Variants in SFXN1 observed in about 807,000 individuals in gnomAD.
SFXN1 encodes the protein sideroflexin 1.
A neutral mutation model predicts 39.5 loss-of-function variants in SFXN1; 32 were observed. That is an observed-to-expected ratio of 0.81 (90% CI 0.61 to 1.09). The LOEUF is 1.09. SFXN1 is among the 50% of genes least tolerant of loss of function. The pLI, the probability that SFXN1 is intolerant of heterozygous loss-of-function variation, is 0.00. For missense variants in SFXN1, 402 were observed against 407.1 expected (o/e 0.99, Z 0.11); for synonymous variants, 136 against 146.5 (o/e 0.93, Z 0.52).
At position 175,527,884 on chromosome 5, in the gene SFXN1, A is replaced by G. The variant is rs1256472505; in HGVS notation, c.*1150A>G. ...GGCCCTCTGTATCCGTGAGCTCTAT[A>G]TCTGTGAATTCAACCAAGTTTGGAT... On this transcript the variant is annotated 3_prime_UTR_variant, in exon 11 of 11. Coordinates refer to ENST00000321442, the MANE Select transcript of SFXN1 (RefSeq NM_022754.7). The G allele has an allele frequency of 6.7e-6, 1 of 149,572 alleles. No individual in the cohort carries two copies. Among genetic ancestry groups the G allele is most frequent in the Non-Finnish European group, 1.5e-5 (1 of 67,394 alleles). 9.3% of individuals were successfully genotyped at this position (149,572 alleles called of 1,614,324 possible). A position where few individuals can be genotyped will look rare whatever the true frequency, so the allele number is the denominator to read the frequency against.
In SFXN1 at chr5:175,522,439, C is replaced by T. The variant is rs758469022; in HGVS notation, c.872+17C>T. The T allele has an allele frequency of 1.1e-5, 17 of 1,609,784 alleles. No individual in the cohort carries two copies. Among genetic ancestry groups the T allele is most frequent in the South Asian group, 5.5e-5 (5 of 90,584 alleles). On this transcript the variant is annotated intron_variant, in intron 10 of 10. Transcript: ENST00000321442. ...TCAGAAAAGGTATGTATTTGTTATT[C>T]GTCAGAATCATCATGAGTATTAATC... is the stretch of plus-strand genomic sequence containing the variant.
intron 1 of SFXN1, among the ~76,000 whole-genome samples, chr5:175,481,809 A>G (rs1759263125): frequency 6.6e-6 from 1 of 152,214 alleles, no homozygotes; most frequent in Non-Finnish European, 1.5e-5. Context: ...GAATGAATCT[A>G]ATGCTTTGCA....
At chr5:175,492,385 G>C in intron 2 of SFXN1, 118 bp downstream of exon 2, 1 of 817,258 alleles carries the variant, frequency 1.2e-6, no homozygotes, top group Non-Finnish European at 1.7e-6. Flanking sequence ...GAATTCTTTT[G>C]ACCAAAAAAA....
At chr5:175,510,305 T>G in intron 4 of SFXN1, 98 bp downstream of exon 4, 1 of 949,284 alleles carries the variant, frequency 1.1e-6, no homozygotes, top group Non-Finnish European at 1.6e-6. Context: ...GTGTGCATAT[T>G]TTTATATTGT....
intron 2 of SFXN1, among the ~76,000 whole-genome samples, chr5:175,493,313 G>T (rs927888017): frequency 6.6e-6 from 1 of 151,958 alleles, no homozygotes; most frequent in Non-Finnish European, 1.5e-5. Flanking sequence ...CACAGGCCAC[G>T]AACAGTAGTT....
At chr5:175,492,062 C>T in intron 1 of SFXN1, 33 bp from the exon 2 acceptor site, 2 of 1,568,712 alleles carry the variant, frequency 1.3e-6, no homozygotes, top group East Asian at 4.6e-5. Context: ...CATTGTAAGC[C>T]TTACACGAAC....
Position 175,512,124 on chromosome 5 carries a change from T to G in SFXN1, c.524T>G (p.Leu175Arg), listed in dbSNP as rs1470885767. 9 of 1,614,064 alleles carry G rather than the reference T, an allele frequency of 5.6e-6. No individual in the cohort carries two copies. The highest frequency in any genetic ancestry group is 7.6e-6 in the Non-Finnish European group (9 of 1,180,034). Reference protein sequence around the residue: ...LNALTKHVSPLIGRFVPFAAV... With the variant: ...LNALTKHVSPRIGRFVPFAAV... ...TCTCCTCTGCAGCATGTCTCACCAC[T>G]GATAGGACGTTTTGTTCCCTTTGCT... Residue 175 changes from leucine (L) to arginine (R), a missense_variant, in exon 6 of 11, where the codon CTG becomes CGG. Transcript: ENST00000321442.
chr5:175,506,689 C>T (rs1760314805), intron 2 of SFXN1, among the ~76,000 whole-genome samples: 1 of 151,474 alleles, frequency 6.6e-6, no homozygotes, highest in Non-Finnish European at 1.5e-5. Flanking sequence ...TTTTTTGAGA[C>T]AGAGTCTCAC....
chr5:175,501,310 C>T (rs1219577849), intron 2 of SFXN1, among the ~76,000 whole-genome samples: 4 of 152,082 alleles, frequency 2.6e-5, no homozygotes, highest in East Asian at 3.9e-4. Flanking sequence ...CCTCGTTATC[C>T]GCCCGCCTCG....
chr5:175,513,710 GT>G, intron 7 of SFXN1, 120 bp downstream of exon 7: 1 of 1,080,102 alleles, frequency 9.3e-7, no homozygotes, highest in Non-Finnish European at 1.3e-6. Context: ...TCCACTGGGG[GT>G]GGCAGAAAAT....
chr5:175,504,715 C>T (rs760235844), intron 2 of SFXN1, among the ~76,000 whole-genome samples: 102 of 152,180 alleles, frequency 6.7e-4, no homozygotes, highest in Non-Finnish European at 9.6e-4. Context: ...TTTTTATTCA[C>T]TTCATAAGAA....
Position 175,512,213 on chromosome 5 carries a change from C to T in SFXN1, c.596+17C>T. On this transcript the variant is annotated intron_variant, in intron 6 of 10. Transcript: ENST00000321442. ...GAGGCAAAGGTAAGACGAATATGCACTCTTAGTAGGGACATGTGCTTGACA... is the reference window on the plus strand; with the variant it reads ...GAGGCAAAGGTAAGACGAATATGCATTCTTAGTAGGGACATGTGCTTGACA... 1.2e-6 allele frequency: 2 copies of T among 1,604,326 alleles called. No individual in the cohort carries two copies. The highest frequency in any genetic ancestry group is 1.7e-6 in the Non-Finnish European group (2 of 1,171,728).
intron 6 of SFXN1, 36 bp downstream of exon 6, chr5:175,512,232 C>T: frequency 2.6e-6 from 4 of 1,561,278 alleles, no homozygotes; most frequent in Non-Finnish European, 3.5e-6. Context: ...GGGACATGTG[C>T]TTGACAGGAG....
chr5:175,518,775 T>C (rs768743296), intron 8 of SFXN1, among the ~76,000 whole-genome samples: 1 of 152,186 alleles, frequency 6.6e-6, no homozygotes, highest in Non-Finnish European at 1.5e-5. Context: ...TCATAGAATC[T>C]AATGTAAAAG....
At chr5:175,521,828 TGTG>T (rs1247985206) in intron 8 of SFXN1, 88 bp from the exon 9 acceptor site, 4 of 990,994 alleles carry the variant, frequency 4.0e-6, no homozygotes, top group East Asian at 5.0e-5. Flanking sequence ...AATCTTGAAA[TGTG>T]GTGAGAGGTT....
chr5:175,507,218 C>T (rs1319980681), intron 2 of SFXN1, among the ~76,000 whole-genome samples: 1 of 152,014 alleles, frequency 6.6e-6, no homozygotes, highest in African/African-American at 2.4e-5. Context: ...CCTATAAGGA[C>T]ACCATTCATT....
At chr5:175,490,457 C>G in intron 1 of SFXN1, among the ~76,000 whole-genome samples, 1 of 152,150 alleles carries the variant, frequency 6.6e-6, no homozygotes. Context: ...GATATGTGTT[C>G]ATTGGAGATT....
intron 2 of SFXN1, among the ~76,000 whole-genome samples, chr5:175,507,521 G>A (rs1390876390): frequency 6.6e-6 from 1 of 152,202 alleles, no homozygotes; most frequent in African/African-American, 2.4e-5. Context: ...GAAAATACAT[G>A]CATGAAAACA....
In SFXN1 at chr5:175,492,204, C is replaced by T. The variant is rs1759683665; in HGVS notation, c.101C>T (p.Pro34Leu). 6.2e-7 allele frequency: 1 copy of T among 1,613,836 alleles called. No homozygotes were observed. Among genetic ancestry groups the T allele is most frequent in the African/African-American group, 1.3e-5 (1 of 74,878 alleles). Reference sequence around the variant, plus strand: ...AATCATTTCTTCACTGTAACTGACCCCAGGAACATTCTGTTAACCAACGAA... The same window carrying T: ...AATCATTTCTTCACTGTAACTGACCTCAGGAACATTCTGTTAACCAACGAA... The part of the protein sequence containing the change: ...RANHFFTVTD[P>L]RNILLTNEQL... Residue 34 changes from proline (P) to leucine (L), a missense_variant, in exon 2 of 11, where the codon CCC becomes CTC. Pro to Leu is a moderately conservative substitution (Grantham distance 98, BLOSUM62 -3). Coordinates refer to ENST00000321442, the MANE Select transcript of SFXN1 (RefSeq NM_022754.7).
Sources: gnomAD v4.1 joint callset for allele counts (sites outside exome capture counted in the v4.1 genomes callset) on GRCh38, gnomAD v4.1.1 for gene constraint, MANE v1.5 for transcripts, NCBI Gene and HGNC (gene_info 2026-07-23, HGNC 2026-07-21) for gene names.